Variants in DENND1A observed in about 807,000 individuals in gnomAD.
DENND1A encodes DENN domain-containing protein 1A.
In DENND1A, 51 loss-of-function variants were observed where a neutral mutation model predicts 113.7. That is an observed-to-expected ratio of 0.45 (90% CI 0.36 to 0.57). The LOEUF is 0.57. DENND1A is among the 20% of genes least tolerant of loss of function. The pLI, the probability that DENND1A is intolerant of heterozygous loss-of-function variation, is 0.00. For synonymous variants in DENND1A, 565 were observed against 570.8 expected (o/e 0.99, Z 0.14); for missense variants, 1,258 against 1,395.9 (o/e 0.90, Z 1.57).
chr9:123,493,853 T>C (rs2134035058), intron 13 of DENND1A, among the ~76,000 whole-genome samples: 1 of 152,290 alleles, frequency 6.6e-6, no homozygotes, highest in Admixed American at 6.5e-5. Flanking sequence ...GCCCCCTCCA[T>C]TGCTTCACCA....
chr9:123,533,281 C>A (rs2055477071), intron 13 of DENND1A, among the ~76,000 whole-genome samples: 1 of 152,184 alleles, frequency 6.6e-6, no homozygotes, highest in Non-Finnish European at 1.5e-5. Context: ...TGCTTTTACT[C>A]TATTTTCATG....
intron 13 of DENND1A, among the ~76,000 whole-genome samples, chr9:123,505,147 A>G (rs2052810799): frequency 6.6e-6 from 1 of 152,236 alleles, no homozygotes; most frequent in Non-Finnish European, 1.5e-5. Flanking sequence ...TTTAGCAGCT[A>G]CAACTCCCTG....
intron 13 of DENND1A, among the ~76,000 whole-genome samples, chr9:123,490,659 T>C (rs2051288930): frequency 6.6e-6 from 1 of 151,664 alleles, no homozygotes; most frequent in African/African-American, 2.4e-5. Flanking sequence ...TAATTTTCAA[T>C]TGTCTAGTAG....
intron 5 of DENND1A, among the ~76,000 whole-genome samples, chr9:123,683,744 A>C (rs933709259): frequency 2.0e-5 from 3 of 152,192 alleles, no homozygotes; most frequent in Non-Finnish European, 4.4e-5. Context: ...CATGAGATCA[A>C]GGACGGTGAC....
At chr9:123,713,136 A>G (rs2066744396) in intron 5 of DENND1A, among the ~76,000 whole-genome samples, 1 of 152,242 alleles carries the variant, frequency 6.6e-6, no homozygotes, top group South Asian at 2.1e-4. Flanking sequence ...GGGGCAGAGA[A>G]TGCCTTGATG....
chr9:123,584,681 G>C (rs1400587934), intron 11 of DENND1A, among the ~76,000 whole-genome samples: 2 of 152,186 alleles, frequency 1.3e-5, no homozygotes, highest in African/African-American at 4.8e-5. Context: ...TGAAACTTGA[G>C]GAAGATGAGG....
chr9:123,523,228 C>T (rs531328102), intron 13 of DENND1A, among the ~76,000 whole-genome samples: 1 of 152,250 alleles, frequency 6.6e-6, no homozygotes, highest in East Asian at 1.9e-4. Context: ...ACTCTAACCC[C>T]CTTACGTGTG....
Position 123,383,839 on chromosome 9 carries a change from A to G in DENND1A, c.1835T>C (p.Val612Ala), listed in dbSNP as rs1455022655. 8.1e-6 allele frequency: 13 copies of G among 1,613,702 alleles called. No individual in the cohort carries two copies. The highest frequency in any genetic ancestry group is 1.1e-5 in the Non-Finnish European group (13 of 1,180,024). ...GDEAESPEQQ[V>A]RKSTGPVPAP... ...TGGGACAGGGCCTGTGGACTTCCGC[A>G]CTTGCTGCTCTGGACTCTCTGCCTC... is the stretch of plus-strand genomic sequence containing the variant. The change falls in exon 23 of 24, where the codon GTG becomes GCG. Residue 612 changes from valine to alanine, a missense_variant. Val to Ala is a moderately conservative substitution (Grantham distance 64, BLOSUM62 0). Transcript: ENST00000394215.
At chr9:123,523,345 G>T (rs966117783) in intron 13 of DENND1A, among the ~76,000 whole-genome samples, 1 of 152,132 alleles carries the variant, frequency 6.6e-6, no homozygotes, top group Non-Finnish European at 1.5e-5. Flanking sequence ...CACAAGAACC[G>T]TGCGAGGCGG....
chr9:123,850,130 C>T (rs368478800), intron 2 of DENND1A, among the ~76,000 whole-genome samples: 2 of 152,138 alleles, frequency 1.3e-5, no homozygotes, highest in Non-Finnish European at 2.9e-5. Context: ...GAGAGGTTTC[C>T]GATTCTAAAA....
At chr9:123,413,514 C>T in intron 19 of DENND1A, 6 of 985,490 alleles carry the variant, frequency 6.1e-6, no homozygotes, top group Non-Finnish European at 7.2e-6. Context: ...TCCTGGAGGG[C>T]AGGGCCTGTG....
At position 123,383,784 on chromosome 9, in the gene DENND1A, G is replaced by C; in HGVS notation, c.1890C>G (p.Asp630Glu). 1 of 1,614,102 alleles carries C rather than the reference G, an allele frequency of 6.2e-7. No individual in the cohort carries two copies. Among genetic ancestry groups the C allele is most frequent in the Non-Finnish European group, 8.5e-7 (1 of 1,180,032 alleles). The change falls in exon 23 of 24, where the codon GAC becomes GAG. Residue 630 changes from aspartate (D) to glutamate (E), a missense_variant. Coordinates refer to ENST00000394215, the MANE Select transcript of DENND1A (RefSeq NM_001352964.2). ...PAPPDRAASIDLLEDVFSNLD... is the reference protein window; with the variant it reads ...PAPPDRAASIELLEDVFSNLD... ...GGTTGCTGAAGACGTCTTCCAGAAG[G>C]TCGATGCTGGCAGCCCGGTCAGGGG...
intron 1 of DENND1A, among the ~76,000 whole-genome samples, chr9:123,918,565 A>G (rs1287181092): frequency 6.6e-6 from 1 of 152,136 alleles, no homozygotes; most frequent in Non-Finnish European, 1.5e-5. Flanking sequence ...CAGTAACTAC[A>G]GCAGATTGAA....
intron 11 of DENND1A, among the ~76,000 whole-genome samples, chr9:123,587,333 C>T (rs1295007497): frequency 2.0e-5 from 3 of 152,082 alleles, no homozygotes. Context: ...CTAACAGAGC[C>T]TTAAAACAGA....
chr9:123,873,083 C>T (rs1329268409), intron 2 of DENND1A, among the ~76,000 whole-genome samples: 4 of 152,102 alleles, frequency 2.6e-5, no homozygotes, highest in Non-Finnish European at 5.9e-5. Flanking sequence ...TCTTTGTAAT[C>T]ATCTAAAATG....
intron 13 of DENND1A, among the ~76,000 whole-genome samples, chr9:123,517,597 C>A (rs1430485835): frequency 6.6e-6 from 1 of 151,920 alleles, no homozygotes. Context: ...CCAGCCTGGG[C>A]AACAGAGCAA....
chr9:123,501,464 CT>C (rs2052475690), intron 13 of DENND1A, among the ~76,000 whole-genome samples: 1 of 152,124 alleles, frequency 6.6e-6, no homozygotes, highest in Admixed American at 6.5e-5. Context: ...CTTTCAATTC[CT>C]TTGGGTATAT....
intron 20 of DENND1A, among the ~76,000 whole-genome samples, chr9:123,408,424 G>A (rs2044054108): frequency 6.6e-6 from 1 of 152,180 alleles, no homozygotes; most frequent in South Asian, 2.1e-4. Context: ...GACATGCCAG[G>A]GACTGTGCTA....
chr9:123,664,526 AAAGTC>A (rs2063402522), intron 8 of DENND1A, among the ~76,000 whole-genome samples: 1 of 151,740 alleles, frequency 6.6e-6, no homozygotes. Context: ...TAGCTTCTTG[AAAGTC>A]AAGTTCATTG....
Sources: gnomAD v4.1 joint callset for allele counts (sites outside exome capture counted in the v4.1 genomes callset) on GRCh38, gnomAD v4.1.1 for gene constraint, MANE v1.5 for transcripts, NCBI Gene and HGNC (gene_info 2026-07-23, HGNC 2026-07-21) for gene names.